Variants in GPD1L observed in about 807,000 individuals in gnomAD.
The protein encoded by GPD1L is glycerol-3-phosphate dehydrogenase 1 like, also known as glycerol-3-phosphate dehydrogenase 1-like protein.
GPD1L carries 17 observed loss-of-function variants against 32.9 expected under a neutral mutation model. That is an observed-to-expected ratio of 0.52 (90% confidence interval 0.35 to 0.78). The LOEUF (loss-of-function observed/expected upper bound fraction) is 0.78, where lower values mean the gene tolerates loss of function less well. GPD1L is among the 30% of genes least tolerant of loss of function. GPD1L has a pLI of 0.01. For synonymous variants in GPD1L, 187 were observed against 165.9 expected, an observed-to-expected ratio of 1.13 and a Z score of -0.98; for missense variants, 361 against 447.8, an observed-to-expected ratio of 0.81 and a Z score of 1.75.
chr3:32,153,570 T>TA (rs1490996849), intron 5 of GPD1L, among the ~76,000 whole-genome samples: 1 of 152,214 alleles, frequency 6.6e-6, no homozygotes, highest in African/African-American at 2.4e-5. Context: ...CAGGCTGCCT[T>TA]AGACAGGGGC....
chr3:32,165,203 C>T (rs993057057), intron 7 of GPD1L, among the ~76,000 whole-genome samples: 2 of 151,816 alleles, frequency 1.3e-5, no homozygotes, highest in African/African-American at 4.8e-5. Context: ...GAGACTTTGT[C>T]GCAAAAGAAA....
At chr3:32,113,640 C>A (rs1575106321) in intron 1 of GPD1L, among the ~76,000 whole-genome samples, 1 of 152,288 alleles carries the variant, frequency 6.6e-6, no homozygotes, top group East Asian at 1.9e-4. Flanking sequence ...CAGTCTCTTC[C>A]ACAATTGGAA....
intron 4 of GPD1L, among the ~76,000 whole-genome samples, chr3:32,144,318 T>A (rs1455117801): frequency 1.3e-5 from 2 of 152,122 alleles, no homozygotes; most frequent in Non-Finnish European, 2.9e-5. Flanking sequence ...TGGTAAGGTC[T>A]CCTTTCGTTC....
chr3:32,156,100 C>A (rs1471806338), intron 5 of GPD1L, among the ~76,000 whole-genome samples: 1 of 152,066 alleles, frequency 6.6e-6, no homozygotes, highest in Non-Finnish European at 1.5e-5. Flanking sequence ...AGCTGCAGAA[C>A]TAGATCGCAC....
chr3:32,162,801 C>A (rs1171478583), intron 7 of GPD1L, among the ~76,000 whole-genome samples: 1 of 152,128 alleles, frequency 6.6e-6, no homozygotes, highest in East Asian at 1.9e-4. Context: ...CACTCTGTCA[C>A]CCAGGCTGGA....
At chr3:32,165,297 A>G (rs1375322899) in intron 7 of GPD1L, among the ~76,000 whole-genome samples, 1 of 151,984 alleles carries the variant, frequency 6.6e-6, no homozygotes, top group East Asian at 1.9e-4. Flanking sequence ...AAGAAAAGGT[A>G]AGATAAATCA....
At position 32,141,740 on chromosome 3, in the gene GPD1L, C is replaced by A. The variant is rs184494659; in HGVS notation, c.505+1374C>A. 3.3e-5 allele frequency among the ~76,000 whole-genome samples: 5 copies of A among 152,268 alleles called. No homozygotes were observed. The East Asian group carries it at 9.6e-4, about 29-fold the overall frequency. ...GTAGAACTAAGATTGTAATTTCCCA[C>A]CCATTTCCCTCTTCCCAGAGGGAAT... On this transcript the variant is annotated intron_variant, in intron 4 of 7. Coordinates refer to ENST00000282541, the MANE Select transcript of GPD1L (RefSeq NM_015141.4).
chr3:32,138,405 C>T lies in GPD1L; in HGVS notation c.226-182C>T, dbSNP rs1483342444. On this transcript the variant is annotated intron_variant, in intron 2 of 7. Coordinates refer to ENST00000282541, the MANE Select transcript of GPD1L (RefSeq NM_015141.4). ...TGCCCAGCTGGTGACAGAGGCAAAC[C>T]CTCTGCTTCAGACCCCCATAAGGAA... Among the ~76,000 whole-genome samples, 5 of 152,214 alleles carry T rather than the reference C, an allele frequency of 3.3e-5. No homozygotes were observed. In the East Asian group the frequency reaches 5.8e-4, roughly 18 times the overall value.
At position 32,142,466 on chromosome 3, in the gene GPD1L, C is replaced by T. The variant is rs896418740; in HGVS notation, c.505+2100C>T. On this transcript the variant is annotated intron_variant, in intron 4 of 7. Transcript: ENST00000282541. ...TTACTATTAGCAGTTTCTAAATATT[C>T]TTCTGGAAAAAATTTATTTATATTT... 2.6e-5 allele frequency among the ~76,000 whole-genome samples: 4 copies of T among 152,164 alleles called. No homozygotes were observed. In the East Asian group the frequency reaches 7.7e-4, roughly 29 times the overall value.
At chr3:32,127,565 C>T (rs1330135920) in intron 1 of GPD1L, among the ~76,000 whole-genome samples, 1 of 152,202 alleles carries the variant, frequency 6.6e-6, no homozygotes, top group Admixed American at 6.5e-5. Flanking sequence ...GGCCAGAGGC[C>T]GGCTTGGTTG....
intron 1 of GPD1L, among the ~76,000 whole-genome samples, chr3:32,109,502 G>C (rs1362957116): frequency 1.3e-5 from 2 of 152,236 alleles, no homozygotes; most frequent in South Asian, 2.1e-4. Flanking sequence ...TACTGAAGCA[G>C]AGCAATTGAG....
At chr3:32,108,643 G>T (rs1700199855) in intron 1 of GPD1L, among the ~76,000 whole-genome samples, 1 of 152,212 alleles carries the variant, frequency 6.6e-6, no homozygotes, top group African/African-American at 2.4e-5. Context: ...AATTACTTCT[G>T]TCCTTTCTGG....
intron 7 of GPD1L, among the ~76,000 whole-genome samples, chr3:32,160,528 G>C (rs1286893825): frequency 2.7e-5 from 2 of 74,482 alleles, no homozygotes; most frequent in Non-Finnish European, 4.8e-5. Context: ...GAGTGGATGG[G>C]TGGGATGGGT....
rs758708518 is a variant in GPD1L at position 32,159,116 on chromosome 3, C to G, written c.852+7C>G. On this transcript the variant is annotated splice_region_variant and intron_variant, in intron 6 of 7. Coordinates refer to ENST00000282541, the MANE Select transcript of GPD1L (RefSeq NM_015141.4). ...CTTCGCCAGAACTGGGAAGGTAGCC[C>G]CTCACCTGCTCTCCCGCACCCCCTC... is the stretch of plus-strand genomic sequence containing the variant. 6.2e-7 allele frequency: 1 copy of G among 1,603,584 alleles called. No homozygotes were observed. Among genetic ancestry groups the G allele is most frequent in the Non-Finnish European group, 8.5e-7 (1 of 1,171,074 alleles).
At chr3:32,130,555 TG>T (rs1382098722) in intron 2 of GPD1L, among the ~76,000 whole-genome samples, 1 of 152,182 alleles carries the variant, frequency 6.6e-6, no homozygotes, top group Non-Finnish European at 1.5e-5. Context: ...ACTCATCATG[TG>T]GCCCCTCCCA....
intron 5 of GPD1L, among the ~76,000 whole-genome samples, chr3:32,153,186 C>T (rs555240286): frequency 6.6e-6 from 1 of 152,282 alleles, no homozygotes; most frequent in East Asian, 1.9e-4. Context: ...GTAAACCATG[C>T]CGGGATGCCC....
intron 5 of GPD1L, among the ~76,000 whole-genome samples, chr3:32,150,087 A>G (rs1700890738): frequency 6.6e-6 from 1 of 151,864 alleles, no homozygotes; most frequent in South Asian, 2.1e-4. Context: ...TCCCCAAACA[A>G]CTCCACATGT....
At chr3:32,128,901 G>A (rs34385769) in intron 2 of GPD1L, among the ~76,000 whole-genome samples, 11,130 of 152,216 alleles carry the variant, frequency 0.073, 573 homozygotes, top group South Asian at 0.12. Flanking sequence ...TAAAGTCAGG[G>A]TCAAGGCCTA....
intron 1 of GPD1L, among the ~76,000 whole-genome samples, chr3:32,119,050 A>G (rs1035482112): frequency 1.3e-5 from 2 of 152,180 alleles, no homozygotes; most frequent in Non-Finnish European, 2.9e-5. Context: ...ACCTTTTGGC[A>G]ATTGTGAATA....
Sources: allele counts gnomAD v4.1 joint callset (sites outside exome capture counted in the v4.1 genomes callset), GRCh38; gene constraint gnomAD v4.1.1; transcripts MANE v1.5; gene names NCBI Gene and HGNC (gene_info 2026-07-23, HGNC 2026-07-21).